The following ANTXR1 variants were observed in gnomAD, a reference collection of about 807,000 sequenced individuals.
ANTXR1 encodes the protein anthrax toxin receptor 1.
A neutral mutation model predicts 78.1 loss-of-function variants in ANTXR1; 19 were observed. The ratio of observed to expected loss-of-function variants is 0.24; its 90% CI spans 0.17 to 0.36. The LOEUF (loss-of-function observed/expected upper bound fraction) is 0.36, where lower values mean the gene tolerates loss of function less well. ANTXR1 is among the 10% of genes least tolerant of loss of function. The probability of loss-of-function intolerance (pLI) is 1.00; values close to 1 mark genes in which losing one functional copy is unlikely to be tolerated. For synonymous variants in ANTXR1, 273 were observed against 260.5 expected, an observed-to-expected ratio of 1.05 and a Z score of -0.46; for missense variants, 518 against 718.6, an observed-to-expected ratio of 0.72 and a Z score of 3.19.
chr2:69,072,828 TC>T (rs1179837468), intron 5 of ANTXR1, among the ~76,000 whole-genome samples, 193 bp from the exon 6 acceptor site: 1 of 152,202 alleles, frequency 6.6e-6, no homozygotes, highest in Non-Finnish European at 1.5e-5. Flanking sequence ...CAAAACCTAT[TC>T]CCCCTAAAGT....
rs149827155 is a variant in ANTXR1, at chr2:69,101,543, T to C, written c.704-1299T>C. On this transcript the variant is annotated intron_variant, in intron 9 of 17. Transcript: ENST00000303714. Reference sequence around the variant, plus strand: ...TATTTCACAGAGGGCCTGGCTCACATTGAGGGAGCAATTAGCATTAGTTAT... The same window carrying C: ...TATTTCACAGAGGGCCTGGCTCACACTGAGGGAGCAATTAGCATTAGTTAT... Among the ~76,000 whole-genome samples the C allele has an allele frequency of 4.3e-3, 653 of 152,364 alleles. 2 individuals are homozygous for C. Among genetic ancestry groups the C allele is most frequent in the African/African-American group, 0.015 (634 of 41,592 alleles).
intron 17 of ANTXR1, among the ~76,000 whole-genome samples, chr2:69,239,657 TAGAG>T (rs1558667948): frequency 1.3e-5 from 2 of 152,160 alleles, no homozygotes; most frequent in Non-Finnish European, 2.9e-5. Flanking sequence ...CCGAAGCCCA[TAGAG>T]AGAAAGTGAC....
chr2:69,125,738 G>T (rs1021611656), intron 12 of ANTXR1, among the ~76,000 whole-genome samples: 1 of 152,166 alleles, frequency 6.6e-6, no homozygotes, highest in Non-Finnish European at 1.5e-5. Context: ...CTACTCAGGA[G>T]GCTGAGATGG....
At chr2:69,218,671 C>A (rs1265277921) in intron 17 of ANTXR1, among the ~76,000 whole-genome samples, 1 of 152,150 alleles carries the variant, frequency 6.6e-6, no homozygotes, top group Non-Finnish European at 1.5e-5. Context: ...GTAGTACTTC[C>A]TGCTTTAACA....
intron 3 of ANTXR1, among the ~76,000 whole-genome samples, chr2:69,045,229 A>T (rs2104092887): frequency 6.6e-6 from 1 of 152,314 alleles, no homozygotes; most frequent in African/African-American, 2.4e-5. Flanking sequence ...TACTGTTCAT[A>T]ATTACCCAGG....
chr2:69,141,131 A>G (rs1235743350), intron 12 of ANTXR1, among the ~76,000 whole-genome samples: 1 of 152,154 alleles, frequency 6.6e-6, no homozygotes, highest in Non-Finnish European at 1.5e-5. Context: ...ACCCACTAAC[A>G]CCATAGCTCT....
At chr2:69,207,910 T>A (rs1674947875) in intron 17 of ANTXR1, among the ~76,000 whole-genome samples, 1 of 152,160 alleles carries the variant, frequency 6.6e-6, no homozygotes, top group Non-Finnish European at 1.5e-5. Context: ...TGTGGCTGAG[T>A]CTGGGGCTTT....
chr2:69,147,110 G>A lies in ANTXR1; in HGVS notation c.952-5059G>A, dbSNP rs183271198. 3.3e-3 allele frequency among the ~76,000 whole-genome samples: 509 copies of A among 152,324 alleles called. 10 individuals carry two copies. Among genetic ancestry groups the A allele is most frequent in the Middle Eastern group, 3.4e-3 (1 of 294 alleles). On this transcript the variant is annotated intron_variant, in intron 12 of 17. Coordinates refer to ENST00000303714, the MANE Select transcript of ANTXR1 (RefSeq NM_032208.3). ...GCCCCAGAGCAAAACAGTGCAGAGCGGAGCCAGGCTCTATGGGGGTCAGGC... is the reference window on the plus strand; with the variant it reads ...GCCCCAGAGCAAAACAGTGCAGAGCAGAGCCAGGCTCTATGGGGGTCAGGC...
chr2:69,168,188 G>A (rs901645771), intron 13 of ANTXR1, among the ~76,000 whole-genome samples: 1 of 152,112 alleles, frequency 6.6e-6, no homozygotes, highest in African/African-American at 2.4e-5. Flanking sequence ...ATGCAGGGGG[G>A]GTATGAAAGA....
At chr2:69,187,824 C>T (rs573752475) in intron 16 of ANTXR1, among the ~76,000 whole-genome samples, 1 of 151,498 alleles carries the variant, frequency 6.6e-6, no homozygotes, top group East Asian at 1.9e-4. Flanking sequence ...CTCTTGACCT[C>T]TTGATCTGAC....
intron 1 of ANTXR1, among the ~76,000 whole-genome samples, chr2:69,026,158 G>A (rs1671337663): frequency 6.6e-6 from 1 of 152,132 alleles, no homozygotes; most frequent in Non-Finnish European, 1.5e-5. Context: ...CCTTCCATGG[G>A]GAGGCAGTGT....
chr2:69,108,273 G>C (rs745529055), intron 10 of ANTXR1, among the ~76,000 whole-genome samples: 1 of 152,102 alleles, frequency 6.6e-6, no homozygotes, highest in Non-Finnish European at 1.5e-5. Flanking sequence ...AAACGTCATT[G>C]CTCTAAAATA....
chr2:69,025,566 C>T (rs180889441), intron 1 of ANTXR1, among the ~76,000 whole-genome samples: 191 of 152,164 alleles, frequency 1.3e-3, no homozygotes, highest in African/African-American at 4.5e-3. Flanking sequence ...TCGCTCTTGA[C>T]GTTAAAAATA....
At chr2:69,165,495 AC>A in intron 13 of ANTXR1, among the ~76,000 whole-genome samples, 1 of 152,356 alleles carries the variant, frequency 6.6e-6, no homozygotes, top group South Asian at 2.1e-4. Context: ...TATCCTATTA[AC>A]CAGTCCCAGT....
Position 69,013,614 on chromosome 2 carries a change from T to C in ANTXR1, c.115T>C (p.Cys39Arg). The C allele has an allele frequency of 6.4e-7, 1 of 1,557,510 alleles. No individual in the cohort carries two copies. The highest frequency in any genetic ancestry group is 8.7e-7 in the Non-Finnish European group (1 of 1,149,568). Residue 39 changes from cysteine (C) to arginine (R), a missense_variant, in exon 1 of 18, where the codon TGC becomes CGC. Coordinates refer to ENST00000303714, the MANE Select transcript of ANTXR1 (RefSeq NM_032208.3). The surrounding 1 kb of genome is among the most constrained non-coding windows in gnomAD (Gnocchi z 5.0). ...GGRREDGGPA[C>R]YGGFDLYFIL... ...ACGCAGGGAGGATGGGGGTCCAGCC[T>C]GCTACGGCGGATTTGACCTGTACTT... is the stretch of plus-strand genomic sequence containing the variant.
At chr2:69,171,763 G>A (rs1673992382) in intron 14 of ANTXR1, among the ~76,000 whole-genome samples, 1 of 152,200 alleles carries the variant, frequency 6.6e-6, no homozygotes, top group Non-Finnish European at 1.5e-5. Context: ...GGACTTTTAG[G>A]ATGAAGGACC....
At chr2:69,242,945 C>T (rs989858400) in intron 17 of ANTXR1, among the ~76,000 whole-genome samples, 50 of 152,236 alleles carry the variant, frequency 3.3e-4, no homozygotes, top group Non-Finnish European at 3.8e-4. Context: ...GACATAAACC[C>T]GGGAGCTCTG....
Position 69,182,467 on chromosome 2 carries a change from A to T in ANTXR1, c.1186-26A>T, listed in dbSNP as rs200694378. The stretch of plus-strand genomic sequence containing the variant: ...GAGGGGCAGCATATTTTGTCATTTC[A>T]TTTCATTGTATTTTGTTTATTTTAG... On this transcript the variant is annotated intron_variant, in intron 15 of 17. Coordinates refer to ENST00000303714, the MANE Select transcript of ANTXR1 (RefSeq NM_032208.3). 2.0e-4 allele frequency: 315 copies of T among 1,613,476 alleles called. 1 individual carries two copies. Among genetic ancestry groups the T allele is most frequent in the Admixed American group, 3.3e-5 (2 of 59,966 alleles).
chr2:69,102,981 C>T (rs1329403131), intron 10 of ANTXR1, 41 bp downstream of exon 10: 1 of 1,585,286 alleles, frequency 6.3e-7, no homozygotes, highest in South Asian at 1.1e-5. Context: ...CGACAAGTGG[C>T]TTCAAGGAAG....
Sources: gnomAD v4.1 joint callset for allele counts (sites outside exome capture counted in the v4.1 genomes callset) on GRCh38, gnomAD v4.1.1 for gene constraint, Gnocchi (gnomAD v3.1) non-coding constraint, MANE v1.5 for transcripts, NCBI Gene and HGNC (gene_info 2026-07-23, HGNC 2026-07-21) for gene names.